The following BARD1 variants were observed in gnomAD, a reference collection of about 807,000 sequenced individuals.
BARD1 encodes BRCA1 associated RING domain 1, also known as BRCA1-associated RING domain protein 1.
In BARD1, 73 loss-of-function variants were observed where a neutral mutation model predicts 77.0. The ratio of observed to expected loss-of-function variants is 0.95; its 90% CI spans 0.79 to 1.15. The LOEUF is 1.15. Ranked by LOEUF, BARD1 falls within the 50% of genes most tolerant of loss-of-function variation. The pLI is 0.00. For synonymous variants in BARD1, 384 were observed against 338.0 expected, an observed-to-expected ratio of 1.14 and a Z score of -1.49; for missense variants, 993 against 938.8, an observed-to-expected ratio of 1.06 and a Z score of -0.75.
intron 9 of BARD1, among the ~76,000 whole-genome samples, chr2:214,741,967 T>C (rs1692855088): frequency 6.6e-6 from 1 of 152,242 alleles, no homozygotes; most frequent in Non-Finnish European, 1.5e-5. Flanking sequence ...TAAAATGTGT[T>C]GATTATCTAT....
At position 214,728,235 on chromosome 2, in the gene BARD1, T is replaced by G. The variant is rs1692165230; in HGVS notation, c.*441A>C. ...GTGGCACATTTAGACCAAATACTCTTTTTTCAATAAAGCCAAAATAAATTG... is the reference window on the plus strand; with the variant it reads ...GTGGCACATTTAGACCAAATACTCTGTTTTCAATAAAGCCAAAATAAATTG... On this transcript the variant is annotated 3_prime_UTR_variant, in exon 11 of 11. Coordinates refer to ENST00000260947, the MANE Select transcript of BARD1 (RefSeq NM_000465.4). The G allele has an allele frequency of 4.2e-6, 1 of 240,132 alleles. No homozygotes were observed. Among genetic ancestry groups the G allele is most frequent in the South Asian group, 1.5e-4 (1 of 6,596 alleles). 14.9% of individuals were successfully genotyped at this position (240,132 alleles called of 1,614,324 possible).
At chr2:214,808,210 C>T (rs575949146) in intron 1 of BARD1, among the ~76,000 whole-genome samples, 1 of 152,258 alleles carries the variant, frequency 6.6e-6, no homozygotes, top group Non-Finnish European at 1.5e-5. Context: ...GAGACGGAGA[C>T]CATCCTGGCT....
At chr2:214,742,038 A>C (rs1331484445) in intron 9 of BARD1, among the ~76,000 whole-genome samples, 3 of 152,200 alleles carry the variant, frequency 2.0e-5, no homozygotes, top group Non-Finnish European at 2.9e-5. Context: ...ATCCCATGAA[A>C]AGTTAATATG....
At chr2:214,803,949 A>C (rs1318787712) in intron 1 of BARD1, among the ~76,000 whole-genome samples, 3 of 152,218 alleles carry the variant, frequency 2.0e-5, no homozygotes, top group African/African-American at 4.8e-5. Flanking sequence ...TCGAAAAGAA[A>C]AAAAGGAAGG....
At position 214,780,587 on chromosome 2, in the gene BARD1, C is replaced by T. The variant is rs537611647; in HGVS notation, c.1287G>A (p.Glu429=). The T allele has an allele frequency of 6.2e-7, 1 of 1,613,980 alleles. No individual in the cohort carries two copies. The highest frequency in any genetic ancestry group is 1.1e-5 in the South Asian group (1 of 91,072). ...TAATAGAAGCAATATGGAGCAAAGT[C>T]TCTCCTCTATGATTTCTTTTCACAG... is the stretch of plus-strand genomic sequence containing the variant. The part of the protein sequence containing the change: ...NMAVKRNHRG[E]TLLHIASIKG... The change falls in exon 4 of 11, where the codon GAG becomes GAA. Residue 429 remains glutamate, a synonymous_variant. Transcript: ENST00000260947.
chr2:214,802,202 C>T (rs1696055750), intron 1 of BARD1, among the ~76,000 whole-genome samples: 2 of 152,156 alleles, frequency 1.3e-5, no homozygotes, highest in African/African-American at 4.8e-5. Context: ...CCCAGGCTAG[C>T]AATATGCAGT....
Position 214,769,182 on chromosome 2 carries a change from A to G in BARD1, c.1395+50T>C, listed in dbSNP as rs184194097. 1,568 of 1,485,084 alleles carry G rather than the reference A, an allele frequency of 1.1e-3. 2 individuals carry two copies. Among genetic ancestry groups the G allele is most frequent in the Non-Finnish European group, 1.3e-3 (1,404 of 1,063,322 alleles). 92.0% of individuals were successfully genotyped at this position (1,485,084 alleles called of 1,614,324 possible). On this transcript the variant is annotated intron_variant, in intron 5 of 10. Transcript: ENST00000260947. ...ATAGACAACTACATAACTATAAACT[A>G]TAAGAACTGTAAAACACAGAAAGAA...
intron 9 of BARD1, among the ~76,000 whole-genome samples, chr2:214,741,570 G>A (rs555613346): frequency 1.3e-5 from 2 of 152,104 alleles, no homozygotes; most frequent in South Asian, 2.1e-4. Context: ...CTTGTATGAG[G>A]GTGGTGCTAA....
intron 6 of BARD1, among the ~76,000 whole-genome samples, chr2:214,761,950 T>A (rs1013371175): frequency 6.6e-6 from 1 of 152,120 alleles, no homozygotes; most frequent in Admixed American, 6.6e-5. Context: ...AGGTGTTGAC[T>A]GGATAGAAAC....
chr2:214,798,776 A>G (rs1399438431), intron 1 of BARD1, among the ~76,000 whole-genome samples: 3 of 143,408 alleles, frequency 2.1e-5, no homozygotes, highest in African/African-American at 5.9e-5. Context: ...AAAAAAGAAA[A>G]AAAAAAAAAA....
chr2:214,755,897 A>G (rs140978141), intron 6 of BARD1, among the ~76,000 whole-genome samples: 1,923 of 152,338 alleles, frequency 0.013, 15 homozygotes, highest in Non-Finnish European at 0.021. Flanking sequence ...TTTGGAATAT[A>G]TGAAAATGTC....
intron 10 of BARD1, among the ~76,000 whole-genome samples, 173 bp from the exon 11 acceptor site, chr2:214,729,181 A>G (rs535394326): frequency 6.6e-6 from 1 of 152,368 alleles, no homozygotes; most frequent in South Asian, 2.1e-4. Flanking sequence ...TTGCATATAC[A>G]TGAGGTATCT....
intron 4 of BARD1, among the ~76,000 whole-genome samples, chr2:214,771,724 C>T (rs1417159279): frequency 6.8e-6 from 1 of 147,038 alleles, no homozygotes; most frequent in Non-Finnish European, 1.5e-5. Context: ...CGAGACTCTA[C>T]CTCAGAAAAA....
intron 4 of BARD1, among the ~76,000 whole-genome samples, chr2:214,778,139 T>G (rs950429295): frequency 5.9e-5 from 9 of 151,978 alleles, no homozygotes; most frequent in Non-Finnish European, 1.3e-4. Context: ...GAGGTTGCAG[T>G]GAGCTGAGAT....
At chr2:214,794,507 T>A (rs992579909) in intron 2 of BARD1, among the ~76,000 whole-genome samples, 1 of 152,372 alleles carries the variant, frequency 6.6e-6, no homozygotes, top group Admixed American at 6.5e-5. Context: ...ATTTTTTTCT[T>A]TGATTTGTTA....
At chr2:214,752,874 TAAA>T (rs778633383) in intron 6 of BARD1, among the ~76,000 whole-genome samples, 34 of 152,082 alleles carry the variant, frequency 2.2e-4, no homozygotes, top group Non-Finnish European at 4.7e-4. Context: ...CAAATGCCAA[TAAA>T]AATCATTTAC....
chr2:214,790,239 A>G (rs1000069606), intron 3 of BARD1, among the ~76,000 whole-genome samples: 1 of 152,142 alleles, frequency 6.6e-6, no homozygotes, highest in Admixed American at 6.6e-5. Flanking sequence ...TAAAAATGTT[A>G]TATTGTTATA....
intron 6 of BARD1, among the ~76,000 whole-genome samples, chr2:214,763,401 G>C (rs1380858035): frequency 2.0e-5 from 3 of 152,132 alleles, no homozygotes. Context: ...GACAACTGAG[G>C]GGATGATGAG....
At chr2:214,784,915 T>A (rs1172910254) in intron 3 of BARD1, among the ~76,000 whole-genome samples, 1 of 151,706 alleles carries the variant, frequency 6.6e-6, no homozygotes, top group Non-Finnish European at 1.5e-5. Flanking sequence ...TTAGGAGAAA[T>A]ACCTAATGTA....
Sources: allele counts gnomAD v4.1 joint callset (sites outside exome capture counted in the v4.1 genomes callset), GRCh38; gene constraint gnomAD v4.1.1; transcripts MANE v1.5; gene names NCBI Gene and HGNC (gene_info 2026-07-23, HGNC 2026-07-21).